The following IFT25 variants were observed in gnomAD, a reference collection of about 807,000 sequenced individuals.
IFT25 encodes the protein intraflagellar transport protein 25 homolog.
At chr1:53,922,596 G>C in the IFT25 span, among the ~76,000 whole-genome samples, 1 of 152,030 alleles carries the variant, frequency 6.6e-6, no homozygotes, top group African/African-American at 2.4e-5. Context: ...TCTATTCCTT[G>C]AAATTTAATC....
the IFT25 span, among the ~76,000 whole-genome samples, chr1:53,931,240 T>C: frequency 6.6e-6 from 1 of 152,244 alleles, no homozygotes; most frequent in African/African-American, 2.4e-5. Context: ...GGAACAAAGC[T>C]GCTCTAAGTA....
the IFT25 span, among the ~76,000 whole-genome samples, chr1:53,944,064 T>C: frequency 6.6e-6 from 1 of 152,236 alleles, no homozygotes; most frequent in South Asian, 2.1e-4. Flanking sequence ...CATGCTTTAA[T>C]ACAAAACTCA....
At chr1:53,914,641 A>C in the IFT25 span, among the ~76,000 whole-genome samples, 1 of 152,160 alleles carries the variant, frequency 6.6e-6, no homozygotes, top group African/African-American at 2.4e-5. Flanking sequence ...TTATTAGGCT[A>C]TATTTCTAGA....
chr1:53,915,292 T>C, the IFT25 span, among the ~76,000 whole-genome samples: 2 of 152,156 alleles, frequency 1.3e-5, no homozygotes, highest in East Asian at 1.9e-4. Flanking sequence ...ATGATATACA[T>C]GGTAAACAGA....
At chr1:53,919,120 T>C in the IFT25 span, among the ~76,000 whole-genome samples, 2 of 148,260 alleles carry the variant, frequency 1.3e-5, no homozygotes, top group Admixed American at 1.3e-4. Flanking sequence ...ATTACAGTCA[T>C]GGGCCACCGT....
the IFT25 span, among the ~76,000 whole-genome samples, chr1:53,926,918 T>A: frequency 1.3e-5 from 2 of 152,036 alleles, no homozygotes; most frequent in East Asian, 3.9e-4. Context: ...AGAGACAACA[T>A]CTTGCCATGT....
At chr1:53,932,621 G>A in the IFT25 span, among the ~76,000 whole-genome samples, 1 of 152,246 alleles carries the variant, frequency 6.6e-6, no homozygotes, top group East Asian at 1.9e-4. Flanking sequence ...CTGCAGTGCA[G>A]TGGCACAATC....
At chr1:53,937,160 C>A in the IFT25 span, among the ~76,000 whole-genome samples, 1 of 152,182 alleles carries the variant, frequency 6.6e-6, no homozygotes, top group Non-Finnish European at 1.5e-5. Flanking sequence ...CTCTGTCACC[C>A]AGGCTGGAGT....
chr1:53,917,626 G>A, the IFT25 span, among the ~76,000 whole-genome samples: 2 of 152,096 alleles, frequency 1.3e-5, no homozygotes, highest in African/African-American at 4.8e-5. Context: ...AGGAGTTTGA[G>A]ACTAACCTGG....
chr1:53,930,101 T>C, the IFT25 span: 2 of 1,576,438 alleles, frequency 1.3e-6, no homozygotes, highest in Non-Finnish European at 1.7e-6. Flanking sequence ...AATAATGAAT[T>C]CCTGGGGAAA....
the IFT25 span, chr1:53,928,412 C>T: frequency 7.2e-5 from 116 of 1,613,042 alleles, 1 homozygote; most frequent in Admixed American, 9.8e-4. Flanking sequence ...GCTCTTTAGA[C>T]GTGCTTTTTT....
the IFT25 span, among the ~76,000 whole-genome samples, chr1:53,919,411 A>G: frequency 6.6e-6 from 1 of 152,224 alleles, no homozygotes; most frequent in African/African-American, 2.4e-5. Context: ...AACAACTTGG[A>G]GCAGAGATGA....
chr1:53,942,022 AG>A, the IFT25 span, among the ~76,000 whole-genome samples: 1 of 152,228 alleles, frequency 6.6e-6, no homozygotes, highest in Non-Finnish European at 1.5e-5. Flanking sequence ...GAACTTGTGG[AG>A]GACTTCTATC....
At chr1:53,917,725 G>A in the IFT25 span, among the ~76,000 whole-genome samples, 2 of 152,226 alleles carry the variant, frequency 1.3e-5, no homozygotes, top group East Asian at 3.9e-4. Context: ...TACTCAGGAG[G>A]CTGAGGCAGG....
the IFT25 span, among the ~76,000 whole-genome samples, chr1:53,935,602 A>AC: frequency 4.7e-3 from 703 of 150,932 alleles, 5 homozygotes; most frequent in African/African-American, 0.016. Flanking sequence ...TAAAGTTGTT[A>AC]CCCACCCCCA....
At chr1:53,941,094 A>G in the IFT25 span, among the ~76,000 whole-genome samples, 1 of 152,030 alleles carries the variant, frequency 6.6e-6, no homozygotes, top group Non-Finnish European at 1.5e-5. Context: ...TTCCGGTTTC[A>G]AGCAATTCTC....
the IFT25 span, among the ~76,000 whole-genome samples, chr1:53,927,763 C>T: frequency 5.3e-5 from 8 of 152,180 alleles, no homozygotes; most frequent in African/African-American, 1.9e-4. Context: ...TGCTCCTTGT[C>T]AAGACCTTAG....
the IFT25 span, among the ~76,000 whole-genome samples, chr1:53,926,425 T>TC: frequency 3.3e-5 from 5 of 152,242 alleles, no homozygotes; most frequent in African/African-American, 1.2e-4. Context: ...ATGCTGGGAT[T>TC]ATGGGCGTGA....
the IFT25 span, among the ~76,000 whole-genome samples, chr1:53,912,819 C>T: frequency 1.3e-5 from 2 of 152,178 alleles, no homozygotes; most frequent in Non-Finnish European, 2.9e-5. Context: ...GGAGGGCTTG[C>T]TGCAACACAG....
Sources: allele counts gnomAD v4.1 joint callset (sites outside exome capture counted in the v4.1 genomes callset), GRCh38; gene constraint gnomAD v4.1.1; transcripts MANE v1.5; gene names NCBI Gene and HGNC (gene_info 2026-07-23, HGNC 2026-07-21).